The following HIPK3 variants were observed in gnomAD, a reference collection of about 807,000 sequenced individuals.
HIPK3 encodes homeodomain interacting protein kinase 3, also known as homeodomain-interacting protein kinase 3.
Under a neutral mutation model 124.2 loss-of-function variants are expected in HIPK3, and 47 were observed. The observed-to-expected ratio is 0.38, with a 90% CI of 0.30 to 0.48. The LOEUF is 0.48. Among genes scored for constraint, HIPK3 ranks in the 20% least tolerant of loss-of-function variants. The pLI is 0.98. For missense variants in HIPK3, 1,286 were observed against 1,454.3 expected (o/e 0.88, Z 1.88); for synonymous variants, 482 against 515.2 (o/e 0.94, Z 0.87).
At chr11:33,349,027 T>C in intron 13 of HIPK3, 120 bp from the exon 14 acceptor site, 2 of 1,020,650 alleles carry the variant, frequency 2.0e-6, no homozygotes, top group South Asian at 1.7e-5. Context: ...GCTTTAACTT[T>C]TTGTCCATGT....
intron 2 of HIPK3, among the ~76,000 whole-genome samples, chr11:33,326,301 C>A (rs1034023696): frequency 6.6e-6 from 1 of 152,096 alleles, no homozygotes; most frequent in African/African-American, 2.4e-5. Flanking sequence ...AGGGTGTGGC[C>A]AGGACCAAAT....
chr11:33,340,963 TACAG>T lies in HIPK3; in HGVS notation c.1614-4_1614-1del. 1.3e-6 allele frequency: 2 copies of T among 1,540,596 alleles called. No individual in the cohort carries two copies. The highest frequency in any genetic ancestry group is 1.8e-4 in the Middle Eastern group (1 of 5,540). On this transcript the variant is annotated splice_acceptor_variant and splice_polypyrimidine_tract_variant and intron_variant, in intron 6 of 16. Transcript: ENST00000303296. LOFTEE classifies it high-confidence loss of function. ...ACTGTAATACCTTCACTTTTTCTTTTACAGTGTAAAGTCCTGTTTTCATATTATG... is the reference window on the plus strand; with the variant it reads ...ACTGTAATACCTTCACTTTTTCTTTTTGTAAAGTCCTGTTTTCATATTATG...
At chr11:33,347,547 A>G (rs1853532628) in intron 9 of HIPK3, 82 bp from the exon 10 acceptor site, 2 of 1,573,128 alleles carry the variant, frequency 1.3e-6, no homozygotes, top group Non-Finnish European at 1.7e-6. Flanking sequence ...TGTTACTTTT[A>G]GATAGTTTTG....
chr11:33,347,349 G>A lies in HIPK3; in HGVS notation c.1954G>A (p.Val652Ile). The A allele has an allele frequency of 6.2e-7, 1 of 1,613,660 alleles. No homozygotes were observed. Among genetic ancestry groups the A allele is most frequent in the Non-Finnish European group, 8.5e-7 (1 of 1,179,604 alleles). ...TSYSIRVDNT[V>I]PLVTQAPAVQ... ...TTATTCAATAAGGGTAGATAATACA[G>A]TTCCACTTGTAACTCAGGCCCCAGC... Residue 652 changes from valine (V) to isoleucine (I), a missense_variant, in exon 9 of 17, where the codon GTT becomes ATT. This residue lies in a region of HIPK3 where 810 missense variants were observed against 864.9 expected (regional missense o/e 0.94). Transcript: ENST00000303296.
At chr11:33,295,585 G>A (rs972724582) in intron 2 of HIPK3, among the ~76,000 whole-genome samples, 3 of 152,234 alleles carry the variant, frequency 2.0e-5, no homozygotes, top group Non-Finnish European at 2.9e-5. Context: ...GTTAAGGCCC[G>A]ACAGCTGCAG....
chr11:33,347,477 C>A (rs1853530990), intron 9 of HIPK3, 63 bp downstream of exon 9: 1 of 1,602,830 alleles, frequency 6.2e-7, no homozygotes, highest in Non-Finnish European at 8.5e-7. Context: ...GTGAAAATGA[C>A]CTGGATAGGG....
chr11:33,340,766 C>T (rs1853308267), intron 6 of HIPK3, among the ~76,000 whole-genome samples: 2 of 152,106 alleles, frequency 1.3e-5, no homozygotes, highest in Non-Finnish European at 2.9e-5. Flanking sequence ...AAAAATATTG[C>T]AGAATATATA....
intron 16 of HIPK3, 51 bp from the exon 17 acceptor site, chr11:33,353,041 T>C (rs780347631): frequency 9.2e-7 from 1 of 1,086,462 alleles, no homozygotes; most frequent in South Asian, 1.5e-5. Context: ...TCTTTCCTTT[T>C]ATCTTTTAAG....
intron 2 of HIPK3, among the ~76,000 whole-genome samples, chr11:33,323,057 A>T (rs1472364863): frequency 2.0e-5 from 3 of 152,216 alleles, no homozygotes; most frequent in African/African-American, 7.2e-5. Context: ...GACAAAAAGT[A>T]GAAACAACCC....
chr11:33,266,504 C>G (rs532546716), intron 1 of HIPK3, among the ~76,000 whole-genome samples: 1 of 152,094 alleles, frequency 6.6e-6, no homozygotes, highest in East Asian at 1.9e-4. Context: ...CTGAGACCAG[C>G]TTGTGCAACA....
At chr11:33,260,888 A>G (rs1348722738) in intron 1 of HIPK3, among the ~76,000 whole-genome samples, 1 of 152,074 alleles carries the variant, frequency 6.6e-6, no homozygotes, top group African/African-American at 2.4e-5. Context: ...GAGACTCCCA[A>G]TGTAGTATGT....
intron 1 of HIPK3, among the ~76,000 whole-genome samples, chr11:33,267,505 T>A (rs7941856): frequency 0.1 from 15,750 of 150,652 alleles, 923 homozygotes; most frequent in Middle Eastern, 0.17. Context: ...TATTATTATT[T>A]TTTTTTTTGA....
chr11:33,324,573 G>C (rs1852757330), intron 2 of HIPK3, among the ~76,000 whole-genome samples: 1 of 151,532 alleles, frequency 6.6e-6, no homozygotes, highest in South Asian at 2.1e-4. Context: ...TAGAGCAGCT[G>C]GCTGAGAGCC....
intron 1 of HIPK3, among the ~76,000 whole-genome samples, chr11:33,279,351 GAAGAA>G (rs1445844336): frequency 7.1e-6 from 1 of 141,340 alleles, no homozygotes; most frequent in Non-Finnish European, 1.5e-5. Context: ...AAAAAAAAGA[GAAGAA>G]GAAGAACCCT....
chr11:33,346,590 A>C (rs186695099), intron 8 of HIPK3, among the ~76,000 whole-genome samples: 8 of 152,344 alleles, frequency 5.3e-5, no homozygotes, highest in Admixed American at 3.9e-4. Context: ...GTTTGTATGA[A>C]AAGAAGAACC....
intron 1 of HIPK3, chr11:33,258,465 G>T (rs1016961223): frequency 1.0e-5 from 10 of 985,222 alleles, no homozygotes; most frequent in Non-Finnish European, 1.2e-5. Context: ...CTGGGGACGT[G>T]CGTGCGTGTG....
intron 2 of HIPK3, among the ~76,000 whole-genome samples, chr11:33,292,495 G>C (rs1357095638): frequency 6.6e-6 from 1 of 152,124 alleles, no homozygotes; most frequent in Non-Finnish European, 1.5e-5. Flanking sequence ...AAGGCTTCTA[G>C]GGGAGCGATG....
chr11:33,258,401 C>T (rs1394432478), intron 1 of HIPK3: 2 of 985,744 alleles, frequency 2.0e-6, no homozygotes, highest in East Asian at 2.3e-4. Flanking sequence ...GCGTCCCGGG[C>T]TTTGTGGCCC....
At chr11:33,276,519 C>A (rs185887585) in intron 1 of HIPK3, among the ~76,000 whole-genome samples, 2 of 152,140 alleles carry the variant, frequency 1.3e-5, no homozygotes, top group African/African-American at 2.4e-5. Flanking sequence ...GAGATAGATT[C>A]TAGCTAGTTT....
Sources: allele counts gnomAD v4.1 joint callset (sites outside exome capture counted in the v4.1 genomes callset), GRCh38; gene constraint gnomAD v4.1.1; regional missense constraint gnomAD v4.1.1; transcripts MANE v1.5; gene names NCBI Gene and HGNC (gene_info 2026-07-23, HGNC 2026-07-21).